The following TERB1 variants were observed in gnomAD, a reference collection of about 807,000 sequenced individuals.
TERB1 encodes telomere repeats-binding bouquet formation protein 1.
A neutral mutation model predicts 92.3 loss-of-function variants in TERB1; 63 were observed. That is an observed-to-expected ratio of 0.68 (90% CI 0.56 to 0.84). The LOEUF (loss-of-function observed/expected upper bound fraction) is 0.84. Ranked by LOEUF, TERB1 falls within the 40% of genes least tolerant of loss-of-function variation. The pLI, the probability that TERB1 is intolerant of heterozygous loss-of-function variation, is 0.00. For missense variants in TERB1, 709 were observed against 843.7 expected, an observed-to-expected ratio of 0.84 and a Z score of 1.98; for synonymous variants, 252 against 283.9, an observed-to-expected ratio of 0.89 and a Z score of 1.13.
At chr16:66,777,845 A>G (rs2018574393) in intron 10 of TERB1, among the ~76,000 whole-genome samples, 1 of 152,236 alleles carries the variant, frequency 6.6e-6, no homozygotes, top group Non-Finnish European at 1.5e-5. Flanking sequence ...GACAAAAGTC[A>G]AAAAGACCAC....
intron 5 of TERB1, 57 bp downstream of exon 5, chr16:66,790,538 A>G (rs934732317): frequency 4.6e-6 from 6 of 1,296,938 alleles, no homozygotes; most frequent in South Asian, 1.6e-5. Context: ...TTTTGAGTAT[A>G]CTGTTAAAAT....
rs1555510268 is a variant in TERB1 at position 66,800,392 on chromosome 16, G to GTTGTT, written c.-33+584_-33+585insAACAA. ...AAATAAATAAATAAAAATAAAGAAA[G>GTTGTT]TTTTTTTTTTTTTTTTTTGAGACAG... On this transcript the variant is annotated intron_variant, in intron 2 of 18. Transcript: ENST00000433154. 6.7e-3 allele frequency among the ~76,000 whole-genome samples: 625 copies of GTTGTT among 92,850 alleles called. 23 individuals are homozygous for GTTGTT. Among genetic ancestry groups the GTTGTT allele is most frequent in the African/African-American group, 0.039 (574 of 14,904 alleles). The allele number at this position is 92,850 out of a possible 152,430, so 60.9% of individuals were successfully genotyped here. A position where few individuals can be genotyped will look rare whatever the true frequency, so the allele number is the denominator to read the frequency against.
chr16:66,790,911 T>C lies in TERB1; in HGVS notation c.140A>G (p.Asn47Ser). ...AAAAATTCACTATTATATCTTACTG[T>C]TTTGTTGACAAATTGAATGAATAGT... ...LVTIHSICQQNSNASVYFREI... is the reference protein window; with the variant it reads ...LVTIHSICQQSSNASVYFREI... The change falls in exon 4 of 19, where the codon AAC (asparagine) becomes AGC (serine). Residue 47 changes from asparagine to serine, a missense_variant and splice_region_variant. Coordinates refer to ENST00000433154, the MANE Select transcript of TERB1 (RefSeq NM_001136505.2). 1 of 1,541,742 alleles carries C rather than the reference T, an allele frequency of 6.5e-7. No individual in the cohort carries two copies. Among genetic ancestry groups the C allele is most frequent in the Non-Finnish European group, 8.8e-7 (1 of 1,139,530 alleles).
At chr16:66,768,062 A>G (rs1258429429) in intron 15 of TERB1, 42 bp downstream of exon 15, 1 of 1,435,678 alleles carries the variant, frequency 7.0e-7, no homozygotes, top group East Asian at 2.5e-5. Flanking sequence ...TTACCTAAAT[A>G]TCTGTTTTAT....
At chr16:66,755,492 C>T (rs2018122721) in intron 18 of TERB1, among the ~76,000 whole-genome samples, 1 of 152,128 alleles carries the variant, frequency 6.6e-6, no homozygotes, top group East Asian at 1.9e-4. Context: ...AACATCTTAC[C>T]GGCCAGGCAC....
intron 3 of TERB1, among the ~76,000 whole-genome samples, chr16:66,791,304 ATC>A (rs2018831431): frequency 6.6e-6 from 1 of 152,132 alleles, no homozygotes. Flanking sequence ...TGGTTTAAAT[ATC>A]TGTCATTTAG....
At chr16:66,785,011 C>T (rs1314748167) in intron 9 of TERB1, among the ~76,000 whole-genome samples, 2 of 147,390 alleles carry the variant, frequency 1.4e-5, no homozygotes, top group African/African-American at 2.5e-5. Flanking sequence ...GTGTGACCCA[C>T]TGCGTCTGGC....
chr16:66,780,538 C>G (rs549867316), intron 9 of TERB1, among the ~76,000 whole-genome samples: 40 of 151,672 alleles, frequency 2.6e-4, no homozygotes, highest in African/African-American at 9.0e-4. Flanking sequence ...CCACTGTACT[C>G]TAGCTGGGGT....
chr16:66,778,041 C>A (rs1223653506), intron 10 of TERB1, among the ~76,000 whole-genome samples: 1 of 152,136 alleles, frequency 6.6e-6, no homozygotes, highest in East Asian at 1.9e-4. Context: ...CTATTTTTTG[C>A]TCCCTAGTTG....
intron 15 of TERB1, among the ~76,000 whole-genome samples, chr16:66,767,823 G>A (rs941029349): frequency 2.0e-5 from 3 of 152,064 alleles, no homozygotes; most frequent in African/African-American, 7.2e-5. Flanking sequence ...CGCCTCCTGG[G>A]TTGAAGCAGT....
At chr16:66,773,450 A>G (rs1289665821) in intron 12 of TERB1, among the ~76,000 whole-genome samples, 7 of 152,158 alleles carry the variant, frequency 4.6e-5, no homozygotes, top group Non-Finnish European at 1.0e-4. Context: ...CAAAATTCTC[A>G]TCATGGACAC....
chr16:66,788,028 T>A, intron 6 of TERB1, 141 bp downstream of exon 6: 1 of 566,906 alleles, frequency 1.8e-6, no homozygotes, highest in Non-Finnish European at 2.8e-6. Flanking sequence ...GCCACTGCAC[T>A]CCACCTTGGG....
intron 13 of TERB1, among the ~76,000 whole-genome samples, chr16:66,771,214 A>C (rs558357249): frequency 1.3e-5 from 2 of 152,340 alleles, no homozygotes; most frequent in Non-Finnish European, 2.9e-5. Flanking sequence ...ACAAGAAAAA[A>C]TGTTTCATCC....
At chr16:66,788,056 G>T in intron 6 of TERB1, 113 bp downstream of exon 6, 1 of 821,748 alleles carries the variant, frequency 1.2e-6, no homozygotes, top group Non-Finnish European at 1.8e-6. Flanking sequence ...GCAAGACTCT[G>T]TCTCCAAAAA....
chr16:66,785,719 C>T, intron 9 of TERB1, 67 bp downstream of exon 9: 2 of 1,379,540 alleles, frequency 1.4e-6, no homozygotes, highest in South Asian at 1.6e-5. Flanking sequence ...ATAATAAATT[C>T]AATCGTTTTT....
In TERB1 at chr16:66,754,728, AAAGCAT is replaced by A. The variant is rs2018107766; in HGVS notation, c.*242_*247del. ...TGTCCTTTAAGCTTAAGGAAAAATA[AAAGCAT>A]ATTCCTAAACAAATGTTTGATCTTA... On this transcript the variant is annotated 3_prime_UTR_variant, in exon 19 of 19. Transcript: ENST00000433154. 2.3e-6 allele frequency: 1 copy of A among 427,734 alleles called. No individual in the cohort carries two copies. Among genetic ancestry groups the A allele is most frequent in the Non-Finnish European group, 4.1e-6 (1 of 244,124 alleles). 26.5% of individuals were successfully genotyped at this position (427,734 alleles called of 1,614,324 possible).
chr16:66,790,461 G>T (rs2018812869), intron 5 of TERB1, 134 bp downstream of exon 5: 1 of 573,554 alleles, frequency 1.7e-6, no homozygotes, highest in South Asian at 3.4e-5. Flanking sequence ...AAGGGAGGGG[G>T]GAAGGAGGCT....
intron 3 of TERB1, among the ~76,000 whole-genome samples, chr16:66,794,940 C>T (rs1170233633): frequency 6.6e-6 from 1 of 151,710 alleles, no homozygotes; most frequent in Non-Finnish European, 1.5e-5. Flanking sequence ...CACACACACA[C>T]ACACACAATC....
chr16:66,764,792 G>A (rs2018310669), intron 16 of TERB1, among the ~76,000 whole-genome samples: 1 of 152,216 alleles, frequency 6.6e-6, no homozygotes, highest in African/African-American at 2.4e-5. Flanking sequence ...GAAATGCAGT[G>A]AGTTGGGAGG....
Sources: gnomAD v4.1 joint callset for allele counts (sites outside exome capture counted in the v4.1 genomes callset) on GRCh38, gnomAD v4.1.1 for gene constraint, MANE v1.5 for transcripts, NCBI Gene and HGNC (gene_info 2026-07-23, HGNC 2026-07-21) for gene names.